ZC3H12B: variants seen among roughly 807,000 people sequenced by gnomAD.
ZC3H12B encodes the protein zinc finger CCCH-type containing 12B.
In ZC3H12B, 7 loss-of-function variants were observed where a neutral mutation model predicts 43.9. The ratio of observed to expected loss-of-function variants is 0.16; its 90% CI spans 0.09 to 0.30. The LOEUF (loss-of-function observed/expected upper bound fraction) is 0.30, where lower values mean the gene tolerates loss of function less well. ZC3H12B is among the 10% of genes least tolerant of loss of function. The pLI is 1.00. For missense variants in ZC3H12B, 475 were observed against 670.2 expected (o/e 0.71, Z 3.22); for synonymous variants, 222 against 241.7 (o/e 0.92, Z 0.76).
At chrX:65,387,468 C>G (rs907425956) in intron 2 of ZC3H12B, among the ~76,000 whole-genome samples, 8 of 111,556 alleles carry the variant, frequency 7.2e-5, no homozygotes, top group African/African-American at 2.6e-4. Context: ...GTAACCCCTG[C>G]CTTTTTCTGT....
chrX:65,268,307 A>G, the ZC3H12B span, among the ~76,000 whole-genome samples: 4 of 111,959 alleles, frequency 3.6e-5, no homozygotes, highest in Non-Finnish European at 7.5e-5. Context: ...ATATTATTTT[A>G]TGGCTGAATT....
chrX:65,484,818 A>G (rs1047172789), upstream of ZC3H12B, among the ~76,000 whole-genome samples: 6 of 112,592 alleles, frequency 5.3e-5, no homozygotes, highest in Admixed American at 9.4e-5. Flanking sequence ...TCTGGAAAAG[A>G]TGAAGTCAAG....
chrX:65,319,151 T>C, the ZC3H12B span, among the ~76,000 whole-genome samples: 2 of 110,629 alleles, frequency 1.8e-5, no homozygotes, highest in African/African-American at 6.6e-5. Flanking sequence ...GTAGGTTCTT[T>C]GAAAGAATAA....
chrX:65,169,284 A>C, the ZC3H12B span, among the ~76,000 whole-genome samples: 2 of 111,549 alleles, frequency 1.8e-5, no homozygotes, highest in African/African-American at 3.3e-5. Flanking sequence ...CCTTCATTTG[A>C]TTATGTACCC....
the ZC3H12B span, among the ~76,000 whole-genome samples, chrX:65,070,040 T>G: frequency 9.1e-6 from 1 of 109,683 alleles, no homozygotes; most frequent in African/African-American, 3.3e-5. Context: ...TTTTTTTTTT[T>G]GTACATCTCA....
At chrX:65,220,411 G>A in the ZC3H12B span, among the ~76,000 whole-genome samples, 12 of 111,712 alleles carry the variant, frequency 1.1e-4, no homozygotes, top group East Asian at 3.1e-3. Flanking sequence ...ATACAGAATG[G>A]CCGAATGGAT....
the ZC3H12B span, among the ~76,000 whole-genome samples, chrX:65,286,545 C>A: frequency 2.7e-5 from 3 of 110,336 alleles, no homozygotes; most frequent in South Asian, 1.2e-3. Flanking sequence ...CACATGTACC[C>A]TTTGAACCTA....
intron 2 of ZC3H12B, among the ~76,000 whole-genome samples, chrX:65,387,889 T>C (rs1231033984): frequency 8.9e-6 from 1 of 112,463 alleles, no homozygotes; most frequent in Non-Finnish European, 1.9e-5. Flanking sequence ...TTATTTCTCC[T>C]TCACTTATGA....
chrX:65,325,715 T>C, the ZC3H12B span, among the ~76,000 whole-genome samples: 1 of 111,539 alleles, frequency 9.0e-6, no homozygotes, highest in African/African-American at 3.3e-5. Flanking sequence ...AATGTCATTT[T>C]TCTTAAAAAT....
chrX:65,161,851 C>A, the ZC3H12B span, among the ~76,000 whole-genome samples: 1 of 111,889 alleles, frequency 8.9e-6, no homozygotes, highest in Non-Finnish European at 1.9e-5. Context: ...GATGCAGTTT[C>A]TTCCTAGCCT....
chrX:65,276,380 T>C, the ZC3H12B span, among the ~76,000 whole-genome samples: 1 of 111,160 alleles, frequency 9.0e-6, no homozygotes, highest in South Asian at 3.7e-4. Context: ...ACAGGTCCTC[T>C]GCAAGACACA....
the ZC3H12B span, among the ~76,000 whole-genome samples, chrX:65,242,162 T>C: frequency 5.4e-5 from 6 of 111,088 alleles, no homozygotes; most frequent in Admixed American, 5.7e-4. Flanking sequence ...CTGCTTTTTT[T>C]CATTCTCTGT....
At chrX:65,459,502 AT>A (rs1166391895) in intron 3 of ZC3H12B, among the ~76,000 whole-genome samples, 1 of 111,782 alleles carries the variant, frequency 8.9e-6, no homozygotes, top group African/African-American at 3.3e-5. Flanking sequence ...CAAAAAGCTT[AT>A]CCACCATGAT....
chrX:65,307,690 G>A, the ZC3H12B span, among the ~76,000 whole-genome samples: 1 of 111,685 alleles, frequency 9.0e-6, no homozygotes, highest in Non-Finnish European at 1.9e-5. Context: ...CCAAAAAAAG[G>A]TACAGATTTT....
At chrX:65,231,545 G>A in the ZC3H12B span, among the ~76,000 whole-genome samples, 14 of 110,710 alleles carry the variant, frequency 1.3e-4, no homozygotes, top group East Asian at 8.5e-4. Flanking sequence ...CTCCCAGAGC[G>A]GCTATTCATA....
the ZC3H12B span, among the ~76,000 whole-genome samples, chrX:65,211,496 A>G: frequency 1.9e-5 from 2 of 106,146 alleles, no homozygotes; most frequent in Non-Finnish European, 3.8e-5. Flanking sequence ...CAACAACCTT[A>G]TCAGTTAGGT....
At chrX:65,109,734 A>G in the ZC3H12B span, among the ~76,000 whole-genome samples, 1 of 111,781 alleles carries the variant, frequency 8.9e-6, no homozygotes, top group Non-Finnish European at 1.9e-5. Flanking sequence ...TTGCCGGGTC[A>G]TGTGCTAACT....
chrX:65,429,870 C>T (rs1602424832), intron 3 of ZC3H12B, among the ~76,000 whole-genome samples: 1 of 112,149 alleles, frequency 8.9e-6, no homozygotes, highest in Non-Finnish European at 1.9e-5. Flanking sequence ...ACTACTTGGA[C>T]TCTCCAAAGC....
At chrX:65,412,113 A>G (rs937719769) in intron 3 of ZC3H12B, among the ~76,000 whole-genome samples, 23 of 111,242 alleles carry the variant, frequency 2.1e-4, no homozygotes, top group African/African-American at 7.2e-4. Flanking sequence ...ACTCTAAAGT[A>G]AAACCCTTTA....
Sources: allele counts gnomAD v4.1 joint callset (sites outside exome capture counted in the v4.1 genomes callset), GRCh38; gene constraint gnomAD v4.1.1; transcripts MANE v1.5; gene names NCBI Gene and HGNC (gene_info 2026-07-23, HGNC 2026-07-21).